Variants in LRRC53 observed in about 807,000 individuals in gnomAD.
LRRC53 encodes the protein leucine rich repeat containing 53.
Under a neutral mutation model 13.6 loss-of-function variants are expected in LRRC53, and 25 were observed. The ratio of observed to expected loss-of-function variants is 1.83; its 90% CI spans 1.34 to 2.56. The LOEUF is 2.56. LRRC53 is among the 30% of genes most tolerant of loss of function. LRRC53 has a pLI of 0.00. For missense variants in LRRC53, 527 were observed against 275.8 expected (o/e 1.91, Z -6.45); for synonymous variants, 204 against 109.8 (o/e 1.86, Z -5.37).
intron 3 of LRRC53, among the ~76,000 whole-genome samples, chr1:74,476,374 ATCTG>A (rs1297924280): frequency 6.6e-6 from 1 of 152,114 alleles, no homozygotes; most frequent in Non-Finnish European, 1.5e-5. Flanking sequence ...TATCCTCATT[ATCTG>A]TCTATCACAA....
chr1:74,531,928 A>G, the LRRC53 span, among the ~76,000 whole-genome samples: 3 of 152,232 alleles, frequency 2.0e-5, no homozygotes, highest in Non-Finnish European at 4.4e-5. Flanking sequence ...GTGTTGCCTT[A>G]TTAAAAATCC....
At chr1:74,483,450 A>C (rs1668601106) in intron 1 of LRRC53, 75 bp from the exon 2 acceptor site, 2 of 641,554 alleles carry the variant, frequency 3.1e-6, no homozygotes, top group Admixed American at 4.6e-5. Context: ...CATACAGGTC[A>C]TGAGGCATTT....
chr1:74,501,474 G>GTGTTTTTT (rs1553153394), intron 1 of LRRC53, among the ~76,000 whole-genome samples: 1 of 149,820 alleles, frequency 6.7e-6, no homozygotes, highest in African/African-American at 2.5e-5. Flanking sequence ...TTTTTGTTTT[G>GTGTTTTTT]TGTTTGTTTG....
the LRRC53 span, among the ~76,000 whole-genome samples, chr1:74,532,920 T>C: frequency 6.6e-6 from 1 of 152,146 alleles, no homozygotes; most frequent in African/African-American, 2.4e-5. Flanking sequence ...TAATTCAAGA[T>C]GGATTAAAGA....
At chr1:74,506,894 T>C (rs551906913) in intron 1 of LRRC53, among the ~76,000 whole-genome samples, 1 of 152,330 alleles carries the variant, frequency 6.6e-6, no homozygotes, top group South Asian at 2.1e-4. Context: ...CGGAAAAGAT[T>C]TATCTATCTT....
At chr1:74,526,121 T>C in the LRRC53 span, among the ~76,000 whole-genome samples, 1 of 152,238 alleles carries the variant, frequency 6.6e-6, no homozygotes, top group Non-Finnish European at 1.5e-5. Flanking sequence ...TGAAGATCAA[T>C]GTTCTGCATG....
At chr1:74,507,228 C>T (rs577823875) in intron 1 of LRRC53, among the ~76,000 whole-genome samples, 1 of 138,636 alleles carries the variant, frequency 7.2e-6, no homozygotes, top group African/African-American at 2.6e-5. Context: ...TCTTCACCCC[C>T]CCCCCATCTT....
At chr1:74,477,765 C>A (rs1408118712) in intron 3 of LRRC53, among the ~76,000 whole-genome samples, 1 of 152,154 alleles carries the variant, frequency 6.6e-6, no homozygotes, top group East Asian at 1.9e-4. Context: ...GCAAATGAAG[C>A]TTGTAGGCAG....
intron 1 of LRRC53, among the ~76,000 whole-genome samples, chr1:74,486,484 T>A (rs865842783): frequency 7.0e-6 from 1 of 143,212 alleles, no homozygotes; most frequent in Non-Finnish European, 1.5e-5. Flanking sequence ...ATCACTTTTT[T>A]TGTGTGTGTT....
chr1:74,516,087 G>A (rs1436303814), upstream of LRRC53, among the ~76,000 whole-genome samples: 2 of 152,148 alleles, frequency 1.3e-5, no homozygotes, highest in Non-Finnish European at 2.9e-5. Flanking sequence ...TCTTTGAGTT[G>A]GAACTAGGCT....
intron 1 of LRRC53, among the ~76,000 whole-genome samples, chr1:74,494,151 C>A (rs1453025292): frequency 6.6e-6 from 1 of 152,152 alleles, no homozygotes; most frequent in Non-Finnish European, 1.5e-5. Context: ...AGCATTTGCA[C>A]ACGGCCCAGT....
chr1:74,475,352 G>T lies in LRRC53; in HGVS notation c.1363C>A (p.Leu455Ile). The change falls in exon 4 of 5, where the codon CTT becomes ATT. Residue 455 changes from leucine to isoleucine, a missense_variant. Coordinates refer to ENST00000294635, the MANE Select transcript of LRRC53 (RefSeq NM_001382280.1). Reference sequence around the variant, plus strand: ...TGAGGCTGGACTTCTCCAGGCTCAAGATTCCATAGCTTTTGAACTTTCCTT... The same window carrying T: ...TGAGGCTGGACTTCTCCAGGCTCAATATTCCATAGCTTTTGAACTTTCCTT... ...NPRKVQKLWN[L>I]EPGEVQPQTL... is the part of the protein sequence containing the mutation. The T allele has an allele frequency of 1.4e-6, 1 of 714,368 alleles. No individual in the cohort carries two copies. The highest frequency in any genetic ancestry group is 1.5e-5 in the South Asian group (1 of 67,222). 44.3% of individuals were successfully genotyped at this position (714,368 alleles called of 1,614,324 possible).
chr1:74,494,038 T>A (rs1669209296), intron 1 of LRRC53, among the ~76,000 whole-genome samples: 2 of 152,156 alleles, frequency 1.3e-5, no homozygotes, highest in African/African-American at 4.8e-5. Context: ...AAGAAGGCAG[T>A]CACTGTGAGC....
Position 74,475,555 on chromosome 1 carries a change from G to T in LRRC53, c.1160C>A (p.Thr387Lys). The change falls in exon 4 of 5, where the codon ACA becomes AAA. Residue 387 changes from threonine to lysine, a missense_variant. Transcript: ENST00000294635. The stretch of plus-strand genomic sequence containing the variant: ...AAGGGTTGCAGACTCAGAGGCCGAT[G>T]TTGCTTGATGGCTATTTTCCTGTAA... ...PLLQENSHQA[T>K]SASESATLDG... The T allele has an allele frequency of 1.4e-6, 1 of 717,450 alleles. No individual in the cohort carries two copies. Among genetic ancestry groups the T allele is most frequent in the South Asian group, 1.5e-5 (1 of 67,584 alleles). 44.4% of individuals were successfully genotyped at this position (717,450 alleles called of 1,614,324 possible).
Position 74,480,919 on chromosome 1 carries a change from G to A in LRRC53, c.138C>T (p.Ser46=), listed in dbSNP as rs1668466322. The change falls in exon 3 of 5, where the codon TCC becomes TCT. Residue 46 remains serine, a synonymous_variant. Coordinates refer to ENST00000294635, the MANE Select transcript of LRRC53 (RefSeq NM_001382280.1). ...RVLIITDGYL[S]SIESTNLSLL... ...GAGACAGGTTTGTGCTCTCAATAGA[G>A]GAGAGATATCCATCGGTGATGATTA... 1.4e-6 allele frequency: 1 copy of A among 717,372 alleles called. No homozygotes were observed. The highest frequency in any genetic ancestry group is 1.5e-5 in the South Asian group (1 of 67,594). The allele number at this position is 717,372 out of a possible 1,614,324, so 44.4% of individuals were successfully genotyped here. A position where few individuals can be genotyped will look rare whatever the true frequency, so the allele number is the denominator to read the frequency against.
chr1:74,511,480 C>T (rs1371368300), intron 1 of LRRC53, among the ~76,000 whole-genome samples: 2 of 152,154 alleles, frequency 1.3e-5, no homozygotes, highest in Admixed American at 6.6e-5. Flanking sequence ...CAATATATTA[C>T]TTACAGGTGG....
At chr1:74,512,137 T>C (rs1307356052) in intron 1 of LRRC53, among the ~76,000 whole-genome samples, 4 of 152,204 alleles carry the variant, frequency 2.6e-5, no homozygotes, top group Non-Finnish European at 5.9e-5. Flanking sequence ...CCAGTCTTTA[T>C]TGAAATAGCC....
At chr1:74,515,038 G>A (rs560919243), upstream of LRRC53, among the ~76,000 whole-genome samples, 76 of 152,274 alleles carry the variant, frequency 5.0e-4, no homozygotes, top group South Asian at 1.0e-3. Context: ...TATAAGGATC[G>A]TAGCCCTCAC....
chr1:74,488,575 C>T (rs1467990524), intron 1 of LRRC53, among the ~76,000 whole-genome samples: 3 of 152,098 alleles, frequency 2.0e-5, no homozygotes, highest in Non-Finnish European at 2.9e-5. Flanking sequence ...TTTTATATCC[C>T]TTGCAACTGG....
Sources: allele counts gnomAD v4.1 joint callset (sites outside exome capture counted in the v4.1 genomes callset), GRCh38; gene constraint gnomAD v4.1.1; transcripts MANE v1.5; gene names NCBI Gene and HGNC (gene_info 2026-07-23, HGNC 2026-07-21).